Variants in SLC14A2 observed in about 807,000 individuals in gnomAD.
The protein encoded by SLC14A2 is solute carrier family 14 member 2, also known as urea transporter 2.
SLC14A2 carries 91 observed loss-of-function variants against 104.6 expected under a neutral mutation model. The observed-to-expected ratio is 0.87, with a 90% confidence interval of 0.73 to 1.04. SLC14A2 has a LOEUF of 1.04. Ranked by LOEUF, SLC14A2 falls within the 50% of genes least tolerant of loss-of-function variation. SLC14A2 has a pLI of 0.00. For synonymous variants in SLC14A2, 476 were observed against 466.4 expected (o/e 1.02, Z -0.27); for missense variants, 1,189 against 1,156.0 (o/e 1.03, Z -0.41).
chr18:45,226,146 A>G (rs2084114262), intron 1 of SLC14A2, among the ~76,000 whole-genome samples: 1 of 152,162 alleles, frequency 6.6e-6, no homozygotes, highest in African/African-American at 2.4e-5. Context: ...TTAGAATGGC[A>G]ATCATTAAAA....
rs981316363 is a variant in SLC14A2 at position 45,277,790 on chromosome 18, T to C, written c.-125+64599T>C. Among the ~76,000 whole-genome samples the C allele has an allele frequency of 3.3e-5, 5 of 152,228 alleles. 1 individual carries two copies. Among genetic ancestry groups the C allele is most frequent in the Non-Finnish European group, 7.3e-5 (5 of 68,036 alleles). ...GAGAAAACATATGTAACACAGGATA[T>C]GATATACAAGAAGCACACAAAAATG... On this transcript the variant is annotated intron_variant, in intron 1 of 20. Coordinates refer to the SLC14A2 transcript ENST00000586448.
At chr18:45,309,935 A>G (rs80055567) in intron 1 of SLC14A2, among the ~76,000 whole-genome samples, 2,266 of 152,050 alleles carry the variant, frequency 0.015, 34 homozygotes, top group Admixed American at 0.023. Flanking sequence ...ACGCAACAAT[A>G]TCGGTCTGCA....
At chr18:45,350,704 C>A (rs2085494719) in intron 1 of SLC14A2, among the ~76,000 whole-genome samples, 1 of 151,478 alleles carries the variant, frequency 6.6e-6, no homozygotes, top group Admixed American at 6.6e-5. Context: ...TCACTCCCAG[C>A]ACAGTGTTAT....
chr18:45,620,516 A>G (rs1052912563), intron 1 of SLC14A2, among the ~76,000 whole-genome samples: 1 of 152,214 alleles, frequency 6.6e-6, no homozygotes, highest in Admixed American at 6.5e-5. Flanking sequence ...GTACCCTAGA[A>G]AGAACTTCCC....
At chr18:45,180,156 GAAA>G in the SLC14A2 span, among the ~76,000 whole-genome samples, 1 of 151,904 alleles carries the variant, frequency 6.6e-6, no homozygotes, top group Non-Finnish European at 1.5e-5. Context: ...CTGAAAAAGA[GAAA>G]AAAACAAACA....
chr18:45,292,572 G>A (rs927638558), intron 1 of SLC14A2, among the ~76,000 whole-genome samples: 2 of 152,164 alleles, frequency 1.3e-5, no homozygotes, highest in African/African-American at 4.8e-5. Flanking sequence ...TGTGGGGGCA[G>A]TTGTACCCAG....
chr18:45,183,906 A>ATTTTTTTTTTTTTTTTTTTTT, the SLC14A2 span, among the ~76,000 whole-genome samples: 4 of 62,696 alleles, frequency 6.4e-5, no homozygotes, highest in Non-Finnish European at 1.1e-4. Context: ...TAATTTTCTA[A>ATTTTTTTTTTTTTTTTTTTTT]TTTTTTTTTT....
At chr18:45,609,926 T>C (rs2044944117) in intron 2 of SLC14A2, among the ~76,000 whole-genome samples, 1 of 152,252 alleles carries the variant, frequency 6.6e-6, no homozygotes, top group Non-Finnish European at 1.5e-5. Context: ...CATCTGGAGA[T>C]GCAGGATGCA....
chr18:45,259,172 CCT>C (rs1446774440), intron 1 of SLC14A2, among the ~76,000 whole-genome samples: 1 of 152,210 alleles, frequency 6.6e-6, no homozygotes, highest in Non-Finnish European at 1.5e-5. Flanking sequence ...ACTCTTATCT[CCT>C]CTCTCCTGCT....
At chr18:45,189,731 T>C in the SLC14A2 span, among the ~76,000 whole-genome samples, 1 of 152,188 alleles carries the variant, frequency 6.6e-6, no homozygotes, top group East Asian at 1.9e-4. Flanking sequence ...AGTGGCATAG[T>C]AAGTGCTCAG....
chr18:45,449,738 T>G (rs112582207), intron 1 of SLC14A2, among the ~76,000 whole-genome samples: 395 of 152,242 alleles, frequency 2.6e-3, no homozygotes, highest in African/African-American at 7.9e-3. Context: ...TGAGTGGCAT[T>G]CAGGAAAACA....
chr18:45,278,970 A>G (rs1012679401), intron 1 of SLC14A2, among the ~76,000 whole-genome samples: 5 of 152,176 alleles, frequency 3.3e-5, no homozygotes, highest in Non-Finnish European at 5.9e-5. Context: ...AAAAGTTTCT[A>G]TCTATCCATA....
At chr18:45,529,038 T>A (rs1026784607) in intron 2 of SLC14A2, 1 of 152,180 alleles carries the variant, frequency 6.6e-6, no homozygotes, top group Non-Finnish European at 1.5e-5. Flanking sequence ...TGGAGTAAAA[T>A]CAAGACACCT....
intron 1 of SLC14A2, among the ~76,000 whole-genome samples, chr18:45,445,408 C>T (rs765205368): frequency 1.3e-5 from 2 of 152,156 alleles, no homozygotes; most frequent in African/African-American, 2.4e-5. Context: ...CCAAGCCTGG[C>T]CTGACACCAT....
chr18:45,273,946 C>T (rs2084676524), intron 1 of SLC14A2, among the ~76,000 whole-genome samples: 1 of 152,142 alleles, frequency 6.6e-6, no homozygotes, highest in Non-Finnish European at 1.5e-5. Context: ...TTATATTTAA[C>T]ATTTAATGCA....
At chr18:45,440,743 C>T (rs762432686) in intron 1 of SLC14A2, among the ~76,000 whole-genome samples, 15 of 152,082 alleles carry the variant, frequency 9.9e-5, no homozygotes, top group Non-Finnish European at 1.6e-4. Flanking sequence ...ATAGAACTTA[C>T]ATAAAAAATA....
At chr18:45,229,026 G>T (rs10502862) in intron 1 of SLC14A2, among the ~76,000 whole-genome samples, 5 of 151,996 alleles carry the variant, frequency 3.3e-5, no homozygotes, top group African/African-American at 9.7e-5. Context: ...GTATCCAAAG[G>T]CCCTCTCCAA....
chr18:45,217,523 G>C (rs1229082687), intron 1 of SLC14A2, among the ~76,000 whole-genome samples: 1 of 151,956 alleles, frequency 6.6e-6, no homozygotes, highest in Non-Finnish European at 1.5e-5. Flanking sequence ...AAATAGCATA[G>C]GTGAGAAGAA....
chr18:45,636,840 C>T, intron 5 of SLC14A2, 150 bp from the exon 6 acceptor site: 1 of 617,626 alleles, frequency 1.6e-6, no homozygotes, highest in Non-Finnish European at 2.9e-6. Flanking sequence ...TATTCCCTAT[C>T]CCAGATCATT....
Sources: allele counts gnomAD v4.1 joint callset (sites outside exome capture counted in the v4.1 genomes callset), GRCh38; gene constraint gnomAD v4.1.1; transcripts MANE v1.5; gene names NCBI Gene and HGNC (gene_info 2026-07-23, HGNC 2026-07-21).